The following KALRN variants were observed in gnomAD, a reference collection of about 807,000 sequenced individuals.
KALRN encodes kalirin.
A neutral mutation model predicts 353.7 loss-of-function variants in KALRN; 70 were observed. The observed-to-expected ratio is 0.20, with a 90% CI of 0.16 to 0.24. The LOEUF is 0.24. Among genes scored for constraint, KALRN ranks in the 10% least tolerant of loss-of-function variants. The probability of loss-of-function intolerance (pLI) is 1.00; values close to 1 mark genes in which losing one functional copy is unlikely to be tolerated. For missense variants in KALRN, 2,791 were observed against 3,756.7 expected (o/e 0.74, Z 6.72); for synonymous variants, 1,391 against 1,434.8 (o/e 0.97, Z 0.69).
chr3:124,410,945 C>CAAT (rs147840765), intron 13 of KALRN, among the ~76,000 whole-genome samples: 5,877 of 152,092 alleles, frequency 0.039, 236 homozygotes, highest in African/African-American at 0.085. Context: ...GGAAACAACC[C>CAAT]AATAATTCAT....
At chr3:124,108,996 C>A (rs1420041761) in intron 1 of KALRN, among the ~76,000 whole-genome samples, 1 of 152,166 alleles carries the variant, frequency 6.6e-6, no homozygotes, top group African/African-American at 2.4e-5. Context: ...AAATGCATTT[C>A]TCCTCTTGCC....
At chr3:124,400,867 C>G (rs1391216732) in intron 13 of KALRN, among the ~76,000 whole-genome samples, 1 of 152,106 alleles carries the variant, frequency 6.6e-6, no homozygotes, top group African/African-American at 2.4e-5. Context: ...TATTTACTCT[C>G]CTGTCATTCC....
intron 33 of KALRN, among the ~76,000 whole-genome samples, chr3:124,513,060 G>C (rs1003599423): frequency 3.3e-5 from 5 of 152,164 alleles, no homozygotes; most frequent in African/African-American, 1.2e-4. Context: ...CAGTCAGACA[G>C]TGAATTCAGG....
chr3:124,292,854 A>G (rs1351972704), intron 5 of KALRN, among the ~76,000 whole-genome samples: 8 of 152,220 alleles, frequency 5.3e-5, no homozygotes. Flanking sequence ...AAGCATTTTC[A>G]TAGCCATCAT....
intron 33 of KALRN, among the ~76,000 whole-genome samples, chr3:124,513,119 T>C (rs773286408): frequency 3.3e-5 from 5 of 151,576 alleles, no homozygotes; most frequent in Non-Finnish European, 7.4e-5. Context: ...CTGGCAACTT[T>C]GTTTGGTTGT....
At chr3:124,203,153 G>A (rs1257786730) in intron 1 of KALRN, among the ~76,000 whole-genome samples, 1 of 152,190 alleles carries the variant, frequency 6.6e-6, no homozygotes, top group African/African-American at 2.4e-5. Context: ...GGTGTCATCG[G>A]TCATCAAGCT....
intron 17 of KALRN, among the ~76,000 whole-genome samples, chr3:124,438,266 A>G (rs981364387): frequency 6.6e-6 from 1 of 152,198 alleles, no homozygotes; most frequent in African/African-American, 2.4e-5. Flanking sequence ...CTTTAGAACT[A>G]AAAAGCTTCT....
At chr3:124,706,945 G>A (rs2062648002) in intron 57 of KALRN, among the ~76,000 whole-genome samples, 1 of 152,112 alleles carries the variant, frequency 6.6e-6, no homozygotes, top group African/African-American at 2.4e-5. Flanking sequence ...TAAGCCCACT[G>A]TAGCCTTTAT....
At chr3:124,239,261 A>T (rs1474403765) in intron 3 of KALRN, among the ~76,000 whole-genome samples, 1 of 152,238 alleles carries the variant, frequency 6.6e-6, no homozygotes, top group African/African-American at 2.4e-5. Context: ...CACAGTGTGG[A>T]TAATCTACCC....
In KALRN at chr3:124,398,678, T is replaced by A; in HGVS notation, c.2172-19T>A. On this transcript the variant is annotated intron_variant, in intron 12 of 59. Transcript: ENST00000682506. ...TGGAAAGGCCTCTCCCTCCCTTTTT[T>A]CTCCCCACTCTGCCACAGGGACTCG... 1 of 1,613,886 alleles carries A rather than the reference T, an allele frequency of 6.2e-7. No homozygotes were observed. The highest frequency in any genetic ancestry group is 8.5e-7 in the Non-Finnish European group (1 of 1,179,948).
intron 14 of KALRN, among the ~76,000 whole-genome samples, chr3:124,414,039 G>C (rs2092354508): frequency 6.6e-6 from 1 of 152,132 alleles, no homozygotes. Context: ...CTGGGAGATG[G>C]AGACTGCAGT....
intron 1 of KALRN, chr3:124,100,417 G>C (rs530458528): frequency 6.6e-6 from 1 of 152,114 alleles, no homozygotes; most frequent in African/African-American, 2.4e-5. Flanking sequence ...TTGGGAAAAG[G>C]ACATCCTTTT....
chr3:124,516,898 ACCT>A (rs1460157611), intron 33 of KALRN, among the ~76,000 whole-genome samples: 1 of 151,848 alleles, frequency 6.6e-6, no homozygotes, highest in Non-Finnish European at 1.5e-5. Flanking sequence ...GCTCACTGCA[ACCT>A]CCGCCTCCCA....
rs187897638 is a variant in KALRN at position 124,717,881 on chromosome 3, G to A, written c.8415+496G>A. ...GGCTGAAGTGCAGTGGTGCGATCTC[G>A]GCTCGCTGCAACCTCCGCCTCCCAG... On this transcript the variant is annotated intron_variant, in intron 59 of 59. Coordinates refer to ENST00000682506, the MANE Select transcript of KALRN (RefSeq NM_001388419.1). Among the ~76,000 whole-genome samples, 1,441 of 151,772 alleles carry A rather than the reference G, an allele frequency of 9.5e-3. 10 individuals carry two copies. The highest frequency in any genetic ancestry group is 0.015 in the Non-Finnish European group (1,016 of 67,916).
intron 1 of KALRN, among the ~76,000 whole-genome samples, chr3:124,074,582 T>C (rs1209749518): frequency 2.0e-5 from 3 of 152,232 alleles, no homozygotes; most frequent in African/African-American, 4.8e-5. Context: ...AGTAGATCCA[T>C]CCCTCACACT....
intron 1 of KALRN, among the ~76,000 whole-genome samples, chr3:124,038,064 A>C (rs1047410449): frequency 6.6e-6 from 1 of 152,148 alleles, no homozygotes; most frequent in Non-Finnish European, 1.5e-5. Context: ...TTGTGAATGC[A>C]TCTGCTGTCA....
chr3:124,042,990 C>T (rs970751817), intron 1 of KALRN, among the ~76,000 whole-genome samples: 2 of 152,120 alleles, frequency 1.3e-5, no homozygotes, highest in African/African-American at 2.4e-5. Context: ...TACAGTTGGG[C>T]TGTAGGAGAA....
At chr3:124,390,998 G>C (rs1032971125) in intron 11 of KALRN, among the ~76,000 whole-genome samples, 5 of 152,196 alleles carry the variant, frequency 3.3e-5, no homozygotes, top group South Asian at 2.1e-4. Flanking sequence ...GCATGGAAAG[G>C]CTCCTTTAAC....
chr3:124,332,983 T>C (rs1838473), intron 8 of KALRN, among the ~76,000 whole-genome samples: 47,256 of 151,750 alleles, frequency 0.31, 7,557 homozygotes, highest in Non-Finnish European at 0.34. Flanking sequence ...AAAAAAGAGG[T>C]TTGATGCACT....
Sources: gnomAD v4.1 joint callset for allele counts (sites outside exome capture counted in the v4.1 genomes callset) on GRCh38, gnomAD v4.1.1 for gene constraint, MANE v1.5 for transcripts, NCBI Gene and HGNC (gene_info 2026-07-23, HGNC 2026-07-21) for gene names.